The following WTAP variants were observed in gnomAD, a reference collection of about 807,000 sequenced individuals.
WTAP encodes the protein WT1 associated protein.
In WTAP, 8 loss-of-function variants were observed where a neutral mutation model predicts 50.0. That is an observed-to-expected ratio of 0.16 (90% CI 0.09 to 0.29). WTAP has a LOEUF of 0.29. Ranked by LOEUF, WTAP falls within the 10% of genes least tolerant of loss-of-function variation. The pLI is 1.00. For missense variants in WTAP, 295 were observed against 470.7 expected (o/e 0.63, Z 3.45); for synonymous variants, 194 against 169.0 (o/e 1.15, Z -1.15).
chr6:159,749,843 A>G (rs1328426327), intron 6 of WTAP, among the ~76,000 whole-genome samples: 1 of 152,202 alleles, frequency 6.6e-6, no homozygotes, highest in Non-Finnish European at 1.5e-5. Flanking sequence ...CCAATCCTGG[A>G]GGTGAATTTT....
At chr6:159,732,886 A>ATAGTGT (rs146623701) in intron 1 of WTAP, among the ~76,000 whole-genome samples, 145 of 146,484 alleles carry the variant, frequency 9.9e-4, no homozygotes, top group African/African-American at 2.8e-3. Flanking sequence ...ATATATATAT[A>ATAGTGT]GTGTGTGTGT....
At chr6:159,741,612 A>G (rs755993849) in intron 3 of WTAP, 1 of 153,670 alleles carries the variant, frequency 6.5e-6, no homozygotes, top group Non-Finnish European at 1.5e-5. Flanking sequence ...TTCTCAGCAG[A>G]AAAAACCTTC....
intron 1 of WTAP, among the ~76,000 whole-genome samples, chr6:159,729,170 T>C (rs1431548364): frequency 2.6e-5 from 4 of 152,262 alleles, no homozygotes; most frequent in Non-Finnish European, 5.9e-5. Flanking sequence ...GTCTTGTATG[T>C]AGTATTGAAT....
intron 6 of WTAP, among the ~76,000 whole-genome samples, chr6:159,752,218 A>G (rs2114955763): frequency 6.6e-6 from 1 of 152,374 alleles, no homozygotes; most frequent in South Asian, 2.1e-4. Context: ...AAAGACTAGA[A>G]TTTAAAAAAT....
At position 159,749,755 on chromosome 6, in the gene WTAP, A is replaced by G. The variant is rs1417728281; in HGVS notation, c.452+1386A>G. ...TAAGTAAGACATTTTGTGAATTGAAAAAAGGTATAGTGATCATTTCTAGCA... is the reference window on the plus strand; with the variant it reads ...TAAGTAAGACATTTTGTGAATTGAAGAAAGGTATAGTGATCATTTCTAGCA... On this transcript the variant is annotated intron_variant, in intron 6 of 7. Coordinates refer to ENST00000621533, the MANE Select transcript of WTAP (RefSeq NM_001270531.2). Among the ~76,000 whole-genome samples the G allele has an allele frequency of 3.9e-5, 6 of 152,330 alleles. No individual in the cohort carries two copies. The South Asian group carries it at 6.2e-4, about 16-fold the overall frequency.
chr6:159,752,837 T>C (rs1779871295), intron 6 of WTAP, among the ~76,000 whole-genome samples: 1 of 152,236 alleles, frequency 6.6e-6, no homozygotes, highest in Admixed American at 6.5e-5. Context: ...CCACTTGGGC[T>C]TAAGCAGTCC....
chr6:159,738,095 C>T (rs556605389), intron 2 of WTAP, among the ~76,000 whole-genome samples: 1 of 152,338 alleles, frequency 6.6e-6, no homozygotes, highest in Admixed American at 6.5e-5. Flanking sequence ...TCACGTTATA[C>T]TAGCACTGTT....
rs374498574 is a variant in WTAP, at chr6:159,752,532, CTA to C, written c.453-925_453-924del. On this transcript the variant is annotated intron_variant, in intron 6 of 7. Transcript: ENST00000621533. ...AGTATGTTGCACTAGCATTTGGAAA[CTA>C]TAATCTGTGGAAAGTGTGACACTCC... Among the ~76,000 whole-genome samples the C allele has an allele frequency of 2.6e-3, 398 of 152,250 alleles. 5 individuals are homozygous for C. The highest frequency in any genetic ancestry group is 9.0e-3 in the African/African-American group (372 of 41,554).
Position 159,742,097 on chromosome 6 carries a change from A to G in WTAP, c.96A>G (p.Gln32=), listed in dbSNP as rs1779292133. 4 of 1,602,068 alleles carry G rather than the reference A, an allele frequency of 2.5e-6. No individual in the cohort carries two copies. Among genetic ancestry groups the G allele is most frequent in the Admixed American group, 1.8e-5 (1 of 56,882 alleles). The change falls in exon 4 of 8, where the codon CAA becomes CAG. Residue 32 remains glutamine, a synonymous_variant. Coordinates refer to ENST00000621533, the MANE Select transcript of WTAP (RefSeq NM_001270531.2). Reference sequence around the variant, plus strand: ...GATTTTTTTTTATTAGATGGAAACAATATGAAGCATATGTACAAGCTTTGG... The same window carrying G: ...GATTTTTTTTTATTAGATGGAAACAGTATGAAGCATATGTACAAGCTTTGG... ...ARDELILRWK[Q]YEAYVQALEG...
At chr6:159,746,198 C>G (rs1432296996) in intron 5 of WTAP, among the ~76,000 whole-genome samples, 1 of 152,190 alleles carries the variant, frequency 6.6e-6, no homozygotes, top group Non-Finnish European at 1.5e-5. Context: ...TTGGATACCC[C>G]TGCTCTAGAG....
At chr6:159,749,295 G>C in intron 6 of WTAP, 1 of 985,720 alleles carries the variant, frequency 1.0e-6, no homozygotes, top group South Asian at 4.7e-5. Context: ...TGAAATCCCC[G>C]TTCCATTCAA....
intron 5 of WTAP, among the ~76,000 whole-genome samples, chr6:159,744,446 A>G (rs549335786): frequency 1.3e-5 from 2 of 152,198 alleles, no homozygotes; most frequent in Non-Finnish European, 2.9e-5. Context: ...TGGTACATAT[A>G]GAAGTCTTCT....
At position 159,755,441 on chromosome 6, in the gene WTAP, T is replaced by A. The variant is rs1779965888; in HGVS notation, c.1021T>A (p.Ser341Thr). ...QLSAGYESVD[S>T]PTGSENSLTH... ...CAGTGCGGGGTATGAAAGTGTAGAC[T>A]CTCCCACGGGCAGTGAAAACTCTCT... Residue 341 changes from serine (S) to threonine (T), a missense_variant, in exon 8 of 8, where the codon TCT becomes ACT. Coordinates refer to ENST00000621533, the MANE Select transcript of WTAP (RefSeq NM_001270531.2). The A allele has an allele frequency of 6.2e-7, 1 of 1,613,640 alleles. No homozygotes were observed. The highest frequency in any genetic ancestry group is 1.3e-5 in the African/African-American group (1 of 74,716).
chr6:159,743,383 C>A (rs917571823), intron 4 of WTAP, among the ~76,000 whole-genome samples: 1 of 152,212 alleles, frequency 6.6e-6, no homozygotes, highest in Non-Finnish European at 1.5e-5. Flanking sequence ...ACATACTAAT[C>A]AGGATTTTGT....
In WTAP at chr6:159,755,763, TTC is replaced by T. The variant is rs1491029610; in HGVS notation, c.*154_*155del. 1.7e-4 allele frequency: 135 copies of T among 800,366 alleles called. No homozygotes were observed. The highest frequency in any genetic ancestry group is 3.1e-4 in the African/African-American group (15 of 48,802). 49.6% of individuals were successfully genotyped at this position (800,366 alleles called of 1,614,324 possible). The stretch of plus-strand genomic sequence containing the variant: ...TTTTTTTCTTTGTTTTTTTTTTCTT[TTC>T]TTTTTTTTTTTTTTTTTTTTTTTTT... On this transcript the variant is annotated 3_prime_UTR_variant, in exon 8 of 8. Transcript: ENST00000621533.
At chr6:159,745,043 A>G (rs1454293737) in intron 5 of WTAP, 1 of 152,156 alleles carries the variant, frequency 6.6e-6, no homozygotes, top group Non-Finnish European at 1.5e-5. Flanking sequence ...GTTTTGTTGT[A>G]ATTCTTACCA....
At chr6:159,741,393 C>T (rs1323109529) in intron 3 of WTAP, among the ~76,000 whole-genome samples, 2 of 152,200 alleles carry the variant, frequency 1.3e-5, no homozygotes, top group African/African-American at 4.8e-5. Flanking sequence ...AGAAGAGTCA[C>T]ATGGTATTTT....
chr6:159,728,037 C>A lies in WTAP; in HGVS notation c.-9+334C>A, dbSNP rs59250477. Among the ~76,000 whole-genome samples, 218 of 152,322 alleles carry A rather than the reference C, an allele frequency of 1.4e-3. 6 individuals carry two copies. In the South Asian group the frequency reaches 0.04, roughly 28 times the overall value. The stretch of plus-strand genomic sequence containing the variant: ...TTTTTTCCTCGCCTCGGGGTCGCCC[C>A]CTTCACCTCCCTTGGGCCTCTCCTG... On this transcript the variant is annotated intron_variant, in intron 1 of 7. Transcript: ENST00000621533.
chr6:159,755,024 A>T lies in WTAP; in HGVS notation c.608-4A>T, dbSNP rs769849913. 85 of 1,605,940 alleles carry T rather than the reference A, an allele frequency of 5.3e-5. No homozygotes were observed. The highest frequency in any genetic ancestry group is 1.7e-6 in the Non-Finnish European group (2 of 1,175,454). ...TAAAGTTGGTCTGACTCTCCTTTGCACAGAACTGAATGACTTCATCATCCA... is the reference window on the plus strand; with the variant it reads ...TAAAGTTGGTCTGACTCTCCTTTGCTCAGAACTGAATGACTTCATCATCCA... On this transcript the variant is annotated splice_region_variant and splice_polypyrimidine_tract_variant and intron_variant, in intron 7 of 7. Transcript: ENST00000621533.
Sources: gnomAD v4.1 joint callset for allele counts (sites outside exome capture counted in the v4.1 genomes callset) on GRCh38, gnomAD v4.1.1 for gene constraint, MANE v1.5 for transcripts, NCBI Gene and HGNC (gene_info 2026-07-23, HGNC 2026-07-21) for gene names.